Variants in SEMA6D observed in about 807,000 individuals in gnomAD.
SEMA6D encodes semaphorin-6D.
SEMA6D carries 35 observed loss-of-function variants against 106.6 expected under a neutral mutation model. That is an observed-to-expected ratio of 0.33 (90% CI 0.25 to 0.44). The LOEUF is 0.44. Among genes scored for constraint, SEMA6D ranks in the 20% least tolerant of loss-of-function variants. The pLI is 1.00. For synonymous variants in SEMA6D, 499 were observed against 487.7 expected, an observed-to-expected ratio of 1.02 and a Z score of -0.31; for missense variants, 1,185 against 1,345.9, an observed-to-expected ratio of 0.88 and a Z score of 1.87.
intron 1 of SEMA6D, among the ~76,000 whole-genome samples, chr15:47,313,348 G>A (rs927301598): frequency 1.3e-5 from 2 of 152,094 alleles, no homozygotes; most frequent in African/African-American, 4.8e-5. Context: ...TTTTCCAAAT[G>A]TCATATAGTA....
At chr15:47,532,858 C>T (rs2045021178) in intron 3 of SEMA6D, among the ~76,000 whole-genome samples, 1 of 152,170 alleles carries the variant, frequency 6.6e-6, no homozygotes, top group South Asian at 2.1e-4. Context: ...TTCAGGGTGA[C>T]CTCATTGCCC....
chr15:47,209,693 G>C (rs1262912164), intron 1 of SEMA6D, among the ~76,000 whole-genome samples: 1 of 152,116 alleles, frequency 6.6e-6, no homozygotes, highest in Non-Finnish European at 1.5e-5. Context: ...ATCATTCCCT[G>C]GTCCCCGTCG....
intron 3 of SEMA6D, among the ~76,000 whole-genome samples, chr15:47,529,433 G>T (rs1453561821): frequency 6.6e-6 from 1 of 152,032 alleles, no homozygotes; most frequent in Non-Finnish European, 1.5e-5. Context: ...AACTGTATTG[G>T]GCAACAAGGC....
intron 1 of SEMA6D, among the ~76,000 whole-genome samples, chr15:47,376,436 G>C (rs903089969): frequency 2.0e-5 from 3 of 152,224 alleles, no homozygotes; most frequent in African/African-American, 7.2e-5. Flanking sequence ...TCACAATGGA[G>C]ATGTTGAACA....
rs1444501966 is a variant in SEMA6D at position 47,652,888 on chromosome 15, A to C, written c.-55+51992A>C. On this transcript the variant is annotated intron_variant, in intron 4 of 19. Transcript: ENST00000558014. Reference sequence around the variant, plus strand: ...TGGAAAGTATTTTTGAGGAGCTCTCAATCCAGCTGCAATAAAGCTAGGGTT... The same window carrying C: ...TGGAAAGTATTTTTGAGGAGCTCTCCATCCAGCTGCAATAAAGCTAGGGTT... Among the ~76,000 whole-genome samples, 3 of 152,230 alleles carry C rather than the reference A, an allele frequency of 2.0e-5. No individual in the cohort carries two copies. The South Asian group carries it at 6.2e-4, about 32-fold the overall frequency.
At chr15:47,765,833 TA>T (rs1343169127) in intron 13 of SEMA6D, 35 bp from the exon 14 acceptor site, 2 of 1,472,698 alleles carry the variant, frequency 1.4e-6, no homozygotes, top group Admixed American at 2.4e-5. Flanking sequence ...CTTGACTGAC[TA>T]AACATATGGC....
chr15:47,509,660 G>C (rs1197758927), intron 3 of SEMA6D, among the ~76,000 whole-genome samples: 1 of 152,190 alleles, frequency 6.6e-6, no homozygotes. Context: ...TTACTTGGCA[G>C]TGTCCTCTTC....
At chr15:47,394,446 C>T (rs1303480884) in intron 1 of SEMA6D, among the ~76,000 whole-genome samples, 2 of 152,084 alleles carry the variant, frequency 1.3e-5, no homozygotes, top group East Asian at 3.9e-4. Context: ...GTGCTGGATT[C>T]GTATCAAAAG....
At chr15:47,187,818 G>C (rs1769874805) in intron 1 of SEMA6D, among the ~76,000 whole-genome samples, 1 of 152,076 alleles carries the variant, frequency 6.6e-6, no homozygotes, top group African/African-American at 2.4e-5. Context: ...ATTAGTGGGG[G>C]GAGGGGTGAA....
chr15:47,323,833 A>G (rs1388958886), intron 1 of SEMA6D, among the ~76,000 whole-genome samples: 2 of 152,222 alleles, frequency 1.3e-5, no homozygotes, highest in South Asian at 2.1e-4. Context: ...TTTCTATTTT[A>G]TATCTACTAA....
At chr15:47,662,904 A>T (rs540948821) in intron 4 of SEMA6D, among the ~76,000 whole-genome samples, 6 of 151,094 alleles carry the variant, frequency 4.0e-5, no homozygotes, top group African/African-American at 1.5e-4. Context: ...ATCATTTGGA[A>T]TAATAAAAGT....
intron 1 of SEMA6D, chr15:47,397,596 T>C (rs2040258792): frequency 6.6e-6 from 1 of 152,214 alleles, no homozygotes; most frequent in Non-Finnish European, 1.5e-5. Context: ...TACATTGATA[T>C]ACTATATGCA....
chr15:47,740,806 G>C (rs1396840688), intron 1 of SEMA6D, among the ~76,000 whole-genome samples: 1 of 152,098 alleles, frequency 6.6e-6, no homozygotes, highest in Admixed American at 6.5e-5. Flanking sequence ...GGAGACAAAG[G>C]CTTGATGTTA....
chr15:47,243,903 A>G (rs728248), intron 1 of SEMA6D, among the ~76,000 whole-genome samples: 7 of 152,122 alleles, frequency 4.6e-5, no homozygotes, highest in African/African-American at 1.4e-4. Context: ...TCTACATGCT[A>G]TGGATATAGC....
chr15:47,474,942 GA>G (rs1184577547), intron 3 of SEMA6D, among the ~76,000 whole-genome samples: 2 of 152,174 alleles, frequency 1.3e-5, no homozygotes, highest in African/African-American at 4.8e-5. Context: ...ATATATTCTG[GA>G]TGATATAGCT....
At position 47,617,925 on chromosome 15, in the gene SEMA6D, A is replaced by G. The variant is rs148522144; in HGVS notation, c.-55+17029A>G. ...CCAACTGATATTTCACTGGGCATCC[A>G]TTTGGTATGGTCCTGATAAGATGTC... On this transcript the variant is annotated intron_variant, in intron 4 of 19. Coordinates refer to the SEMA6D transcript ENST00000558014. Among the ~76,000 whole-genome samples, 11 of 152,296 alleles carry G rather than the reference A, an allele frequency of 7.2e-5. No homozygotes were observed. In the East Asian group the frequency reaches 1.9e-3, roughly 27 times the overall value.
At chr15:47,556,013 G>A (rs1014819493) in intron 3 of SEMA6D, among the ~76,000 whole-genome samples, 1 of 152,082 alleles carries the variant, frequency 6.6e-6, no homozygotes, top group Non-Finnish European at 1.5e-5. Context: ...GTTGCTTGGA[G>A]ACTGATGGCA....
intron 2 of SEMA6D, among the ~76,000 whole-genome samples, chr15:47,420,029 A>G (rs940344490): frequency 6.6e-6 from 1 of 152,100 alleles, no homozygotes; most frequent in Non-Finnish European, 1.5e-5. Context: ...GGACCTTTCC[A>G]AGAACATGAA....
chr15:47,206,019 G>C (rs1042538739), intron 1 of SEMA6D, among the ~76,000 whole-genome samples: 1 of 152,078 alleles, frequency 6.6e-6, no homozygotes, highest in Non-Finnish European at 1.5e-5. Flanking sequence ...CTTTTCTTCT[G>C]ATAATTCAGT....
Sources: allele counts gnomAD v4.1 joint callset (sites outside exome capture counted in the v4.1 genomes callset), GRCh38; gene constraint gnomAD v4.1.1; transcripts MANE v1.5; gene names NCBI Gene and HGNC (gene_info 2026-07-23, HGNC 2026-07-21).